The following ACO1 variants were observed in gnomAD, a reference collection of about 807,000 sequenced individuals.
The protein encoded by ACO1 is aconitase 1.
In ACO1, 78 loss-of-function variants were observed where a neutral mutation model predicts 105.1. That is an observed-to-expected ratio of 0.74 (90% CI 0.62 to 0.90). The LOEUF is 0.90. Among genes scored for constraint, ACO1 ranks in the 40% least tolerant of loss-of-function variants. ACO1 has a pLI of 0.00. For missense variants in ACO1, 965 were observed against 1,111.1 expected, an observed-to-expected ratio of 0.87 and a Z score of 1.87; for synonymous variants, 364 against 397.4, an observed-to-expected ratio of 0.92 and a Z score of 1.00.
Position 32,448,926 on chromosome 9 carries a change from G to C in ACO1, c.2401G>C (p.Glu801Gln). The C allele has an allele frequency of 3.1e-6, 5 of 1,614,152 alleles. No homozygotes were observed. The highest frequency in any genetic ancestry group is 4.2e-6 in the Non-Finnish European group (5 of 1,180,040). The part of the protein sequence containing the change: ...GIKAVLAESY[E>Q]RIHRSNLVGM... ...CAAAGCCGTCCTGGCCGAGAGCTAC[G>C]AGCGCATTCACCGCAGTAACCTGGT... The change falls in exon 20 of 21, where the codon GAG becomes CAG. Residue 801 changes from glutamate (E) to glutamine (Q), a missense_variant. Physicochemically the swap from Glu to Gln is conservative, Grantham distance 29 (BLOSUM62 2). Coordinates refer to ENST00000309951, the MANE Select transcript of ACO1 (RefSeq NM_002197.3).
intron 1 of ACO1, among the ~76,000 whole-genome samples, chr9:32,399,966 GTTTTTTT>G (rs57615512): frequency 4.3e-5 from 3 of 69,842 alleles, no homozygotes; most frequent in African/African-American, 1.8e-4. Context: ...TTCTTTTTCT[GTTTTTTT>G]TTTTTTTTTT....
chr9:32,399,148 A>T (rs1821434144), intron 1 of ACO1, among the ~76,000 whole-genome samples: 1 of 152,206 alleles, frequency 6.6e-6, no homozygotes, highest in African/African-American at 2.4e-5. Context: ...CTCAAGACCA[A>T]GTAGAGGCCA....
At chr9:32,445,645 C>T in intron 19 of ACO1, 4 of 252,786 alleles carry the variant, frequency 1.6e-5, no homozygotes, top group South Asian at 9.7e-5. Flanking sequence ...TTATTTCTTG[C>T]CTTCTGCTAG....
chr9:32,404,464 T>C (rs1209363418), intron 1 of ACO1, among the ~76,000 whole-genome samples: 1 of 152,164 alleles, frequency 6.6e-6, no homozygotes, highest in African/African-American at 2.4e-5. Flanking sequence ...TAGAAAAAAT[T>C]AGTTGCCAAC....
rs888997704 is a variant in ACO1, at chr9:32,418,478, A to G, written c.625A>G (p.Thr209Ala). The G allele has an allele frequency of 1.9e-6, 3 of 1,613,662 alleles. No individual in the cohort carries two copies. The highest frequency in any genetic ancestry group is 1.3e-5 in the African/African-American group (1 of 74,910). Residue 209 changes from threonine (T) to alanine (A), a missense_variant, in exon 6 of 21, where the codon ACC becomes GCC. By Grantham distance (58) the Thr-to-Ala change is moderately conservative. Coordinates refer to ENST00000309951, the MANE Select transcript of ACO1 (RefSeq NM_002197.3). Reference sequence around the variant, plus strand: ...CCTCGTGGGCACAGACTCGCACACTACCATGATTGATGGCTTGGGCATTCT... The same window carrying G: ...CCTCGTGGGCACAGACTCGCACACTGCCATGATTGATGGCTTGGGCATTCT... ...DSLVGTDSHTTMIDGLGILGW... is the reference protein window; with the variant it reads ...DSLVGTDSHTAMIDGLGILGW...
At chr9:32,436,494 C>A in intron 18 of ACO1, 97 bp downstream of exon 18, 1 of 1,404,560 alleles carries the variant, frequency 7.1e-7, no homozygotes, top group Non-Finnish European at 9.9e-7. Context: ...TTTAGTTTTT[C>A]TTCACAGCTC....
In ACO1 at chr9:32,431,815, T is replaced by C. The variant is rs368608810; in HGVS notation, c.1823T>C (p.Met608Thr). The change falls in exon 15 of 21, where the codon ATG becomes ACG. Residue 608 changes from methionine to threonine, a missense_variant. Coordinates refer to ENST00000309951, the MANE Select transcript of ACO1 (RefSeq NM_002197.3). ...GAGCGTCAGTATGTCATCCCGGGGA[T>C]GTTTAAGGAAGTCTATCAGAAAATA... ...AVERQYVIPG[M>T]FKEVYQKIET... The C allele has an allele frequency of 2.5e-6, 4 of 1,614,042 alleles. No homozygotes were observed. In the African/African-American group the frequency reaches 4.0e-5, roughly 16 times the overall value.
chr9:32,388,177 T>C (rs1167954891), intron 1 of ACO1, among the ~76,000 whole-genome samples: 1 of 152,202 alleles, frequency 6.6e-6, no homozygotes, highest in East Asian at 1.9e-4. Context: ...CATATTATTA[T>C]GCAAAAACTA....
At chr9:32,416,953 G>A (rs1326421629) in intron 4 of ACO1, among the ~76,000 whole-genome samples, 1 of 152,204 alleles carries the variant, frequency 6.6e-6, no homozygotes, top group Non-Finnish European at 1.5e-5. Context: ...ACGTAATGTT[G>A]TCCTTTAGCT....
intron 1 of ACO1, among the ~76,000 whole-genome samples, chr9:32,396,641 CT>C (rs1821378375): frequency 6.8e-6 from 1 of 147,640 alleles, no homozygotes; most frequent in South Asian, 2.2e-4. Flanking sequence ...AGCCCCTGTA[CT>C]TTCTACTGCT....
intron 4 of ACO1, among the ~76,000 whole-genome samples, chr9:32,411,587 G>T (rs1471373584): frequency 6.6e-6 from 1 of 152,040 alleles, no homozygotes; most frequent in Admixed American, 6.5e-5. Flanking sequence ...AAGGAAAGTG[G>T]ACATTTCATA....
intron 13 of ACO1, among the ~76,000 whole-genome samples, chr9:32,430,189 AT>A (rs1822194337): frequency 6.6e-6 from 1 of 152,018 alleles, no homozygotes; most frequent in Non-Finnish European, 1.5e-5. Context: ...ACTACCTGAT[AT>A]TTTCTCGTGA....
At chr9:32,400,474 C>T (rs1054745781) in intron 1 of ACO1, among the ~76,000 whole-genome samples, 4 of 152,166 alleles carry the variant, frequency 2.6e-5, no homozygotes, top group Non-Finnish European at 4.4e-5. Flanking sequence ...TTCAGGGATT[C>T]TCTTCACAGC....
intron 16 of ACO1, 97 bp from the exon 17 acceptor site, chr9:32,434,462 C>T: frequency 7.0e-7 from 1 of 1,428,482 alleles, no homozygotes; most frequent in Non-Finnish European, 9.7e-7. Context: ...TGGAACTGTC[C>T]TCTGATTCAG....
intron 1 of ACO1, among the ~76,000 whole-genome samples, chr9:32,394,692 GTA>G (rs1424576223): frequency 1.3e-5 from 2 of 152,168 alleles, no homozygotes; most frequent in African/African-American, 4.8e-5. Flanking sequence ...CTTCAGATTT[GTA>G]GCTTCTAACA....
intron 7 of ACO1, among the ~76,000 whole-genome samples, chr9:32,420,618 A>C (rs538950450): frequency 5.8e-4 from 88 of 152,316 alleles, no homozygotes; most frequent in Admixed American, 1.2e-3. Context: ...TTAACTACAG[A>C]CTTTACCAGT....
intron 17 of ACO1, 60 bp downstream of exon 17, chr9:32,434,761 G>T (rs996337260): frequency 3.2e-6 from 5 of 1,586,546 alleles, no homozygotes; most frequent in African/African-American, 2.7e-5. Flanking sequence ...AGTTAATGAG[G>T]CCAGCATTTC....
intron 1 of ACO1, among the ~76,000 whole-genome samples, chr9:32,389,620 G>A (rs1287681598): frequency 6.6e-6 from 1 of 151,158 alleles, no homozygotes; most frequent in African/African-American, 2.4e-5. Context: ...CACTTCAGTT[G>A]ACTGGCACCA....
At chr9:32,423,239 C>T (rs879852840) in intron 8 of ACO1, 80 bp from the exon 9 acceptor site, 10 of 744,434 alleles carry the variant, frequency 1.3e-5, no homozygotes, top group Non-Finnish European at 2.0e-5. Flanking sequence ...TACATAATTG[C>T]TAATGGAAGT....
Sources: gnomAD v4.1 joint callset for allele counts (sites outside exome capture counted in the v4.1 genomes callset) on GRCh38, gnomAD v4.1.1 for gene constraint, MANE v1.5 for transcripts, NCBI Gene and HGNC (gene_info 2026-07-23, HGNC 2026-07-21) for gene names.